The following RNF10 variants were observed in gnomAD, a reference collection of about 807,000 sequenced individuals.
RNF10 encodes the protein ring finger protein 10.
In RNF10, 38 loss-of-function variants were observed where a neutral mutation model predicts 91.4. That is an observed-to-expected ratio of 0.42 (90% CI 0.32 to 0.54). The LOEUF (loss-of-function observed/expected upper bound fraction) is 0.54. RNF10 is among the 20% of genes least tolerant of loss of function. RNF10 has a pLI of 0.16. For missense variants in RNF10, 945 were observed against 1,012.0 expected, an observed-to-expected ratio of 0.93 and a Z score of 0.90; for synonymous variants, 364 against 366.3, an observed-to-expected ratio of 0.99 and a Z score of 0.07.
chr12:120,544,947 A>C (rs994978345), intron 1 of RNF10, among the ~76,000 whole-genome samples: 1 of 152,212 alleles, frequency 6.6e-6, no homozygotes, highest in African/African-American at 2.4e-5. Flanking sequence ...GCAATTAATC[A>C]TGCTTCTGAA....
Position 120,565,229 on chromosome 12 carries a change from T to A in RNF10, c.1783+40T>A, listed in dbSNP as rs1039465010. 2.1e-6 allele frequency: 3 copies of A among 1,413,550 alleles called. No homozygotes were observed. The Admixed American group carries it at 5.1e-5, about 24-fold the overall frequency. 87.6% of individuals were successfully genotyped at this position (1,413,550 alleles called of 1,614,324 possible). ...GCTCTGCTTCTCTTTATAGTAGGGT[T>A]CAGGGATTCTTGTGGCTAGACACCC... is the stretch of plus-strand genomic sequence containing the variant. On this transcript the variant is annotated intron_variant, in intron 11 of 16. Transcript: ENST00000325954.
chr12:120,543,978 A>G (rs1026791580), intron 1 of RNF10, among the ~76,000 whole-genome samples: 1 of 152,152 alleles, frequency 6.6e-6, no homozygotes, highest in Non-Finnish European at 1.5e-5. Flanking sequence ...CTGTAATCCC[A>G]GTACTTTGGG....
intron 16 of RNF10, 97 bp from the exon 17 acceptor site, chr12:120,576,493 C>A: frequency 6.6e-7 from 1 of 1,506,246 alleles, no homozygotes; most frequent in Admixed American, 2.4e-5. Flanking sequence ...AGAGCCTCCA[C>A]TCTTAGCTCC....
chr12:120,574,542 T>A, intron 14 of RNF10: 1 of 456,074 alleles, frequency 2.2e-6, no homozygotes, highest in Non-Finnish European at 4.4e-6. Flanking sequence ...TAAAAGGTAG[T>A]GAGGGGCTGT....
chr12:120,562,924 T>C (rs759889142), intron 7 of RNF10, 21 bp from the exon 8 acceptor site: 1 of 1,613,700 alleles, frequency 6.2e-7, no homozygotes, highest in Non-Finnish European at 8.5e-7. Context: ...CCTTCTCTGG[T>C]GTTCTCTCTG....
At chr12:120,536,414 A>AC (rs1297721917) in intron 1 of RNF10, among the ~76,000 whole-genome samples, 1 of 151,962 alleles carries the variant, frequency 6.6e-6, no homozygotes, top group African/African-American at 2.4e-5. Context: ...GGTAACAGAG[A>AC]CCCCCATCTC....
chr12:120,563,750 G>A (rs1247172217), intron 9 of RNF10, 60 bp from the exon 10 acceptor site: 1 of 1,600,294 alleles, frequency 6.2e-7, no homozygotes, highest in African/African-American at 1.3e-5. Context: ...CATGGGGAGG[G>A]GTGGGGAGCC....
chr12:120,552,844 G>A (rs891946064), intron 3 of RNF10, 146 bp downstream of exon 3: 11 of 694,764 alleles, frequency 1.6e-5, no homozygotes, highest in South Asian at 4.0e-5. Context: ...CCACTGCCCC[G>A]CCCTTCCTTT....
rs1872369471 is a variant in RNF10 at position 120,546,541 on chromosome 12, A to G, written c.294A>G (p.Gln98=). Residue 98 remains glutamine, a synonymous_variant, in exon 2 of 17, where the codon CAA becomes CAG. Transcript: ENST00000325954. ...KSKTFNKMPP[Q]RGGGSSKLFS... is the part of the protein sequence containing the mutation. ...AGACTTTTAACAAGATGCCTCCTCA[A>G]AGGGGCGGCGGCAGCAGCAAACTCT... The G allele has an allele frequency of 6.2e-7, 1 of 1,614,194 alleles. No homozygotes were observed. Among genetic ancestry groups the G allele is most frequent in the Non-Finnish European group, 8.5e-7 (1 of 1,180,024 alleles).
At position 120,575,994 on chromosome 12, in the gene RNF10, C is replaced by T. The variant is rs757931101; in HGVS notation, c.2359+44C>T. The stretch of plus-strand genomic sequence containing the variant: ...GTGCCCAGGGTTGTCAAACATACTA[C>T]ACATGTACTGCCATTCCCGCCTGGA... On this transcript the variant is annotated intron_variant, in intron 16 of 16. Coordinates refer to ENST00000325954, the MANE Select transcript of RNF10 (RefSeq NM_014868.5). 15 of 1,596,884 alleles carry T rather than the reference C, an allele frequency of 9.4e-6. No individual in the cohort carries two copies. The Admixed American group carries it at 1.3e-4, about 14-fold the overall frequency.
intron 1 of RNF10, among the ~76,000 whole-genome samples, chr12:120,544,930 G>A (rs11065158): frequency 0.29 from 43,890 of 152,036 alleles, 7,018 homozygotes; most frequent in Admixed American, 0.4. Flanking sequence ...TGGCCAAGAA[G>A]GGTACAGCAA....
intron 2 of RNF10, among the ~76,000 whole-genome samples, 164 bp from the exon 3 acceptor site, chr12:120,552,335 G>T (rs1873228151): frequency 6.6e-6 from 1 of 151,026 alleles, no homozygotes; most frequent in Non-Finnish European, 1.5e-5. Context: ...GGGAGGCAGA[G>T]GTTGCAGTGA....
chr12:120,552,760 T>C lies in RNF10; in HGVS notation c.554+62T>C, dbSNP rs1263442368. On this transcript the variant is annotated intron_variant, in intron 3 of 16. Transcript: ENST00000325954. ...GGACTCTCCGGATAGCTGTGGTGCC[T>C]CTGTGAGAGGCTTTTTTTAAGCTAT... is the stretch of plus-strand genomic sequence containing the variant. 4.2e-6 allele frequency: 6 copies of C among 1,439,624 alleles called. No individual in the cohort carries two copies. In the South Asian group the frequency reaches 6.3e-5, roughly 15 times the overall value. 89.2% of individuals were successfully genotyped at this position (1,439,624 alleles called of 1,614,324 possible). A position where few individuals can be genotyped will look rare whatever the true frequency, so the allele number is the denominator to read the frequency against.
At chr12:120,536,552 T>C (rs746227302) in intron 1 of RNF10, among the ~76,000 whole-genome samples, 2 of 152,160 alleles carry the variant, frequency 1.3e-5, no homozygotes, top group South Asian at 2.1e-4. Flanking sequence ...TGTGAGACCA[T>C]TGGAGTATGG....
At chr12:120,568,747 A>G (rs1007474344) in intron 13 of RNF10, among the ~76,000 whole-genome samples, 32 of 152,116 alleles carry the variant, frequency 2.1e-4, no homozygotes, top group African/African-American at 7.0e-4. Context: ...AAGTGCTGGG[A>G]TTGCAGGTGG....
chr12:120,571,418 G>C (rs1876613728), intron 14 of RNF10, 127 bp downstream of exon 14: 1 of 713,326 alleles, frequency 1.4e-6, no homozygotes, highest in African/African-American at 1.8e-5. Flanking sequence ...TGAGTCATCT[G>C]ATGGGTAGGA....
At chr12:120,550,509 T>C (rs181353831) in intron 2 of RNF10, among the ~76,000 whole-genome samples, 5 of 152,100 alleles carry the variant, frequency 3.3e-5, no homozygotes, top group Non-Finnish European at 2.9e-5. Flanking sequence ...CATGTGGAGA[T>C]GAAAAATAAG....
intron 13 of RNF10, among the ~76,000 whole-genome samples, chr12:120,569,297 G>C (rs138359658): frequency 6.6e-6 from 1 of 151,740 alleles, no homozygotes; most frequent in East Asian, 1.9e-4. Flanking sequence ...GGCCTCTGTC[G>C]GGCATTCTTA....
In RNF10 at chr12:120,557,438, A is replaced by G. The variant is rs1293093054; in HGVS notation, c.802A>G (p.Ser268Gly). ...GTGGAGTAAATGTCCCATCTGTTAC[A>G]GTTCTGTGCATAAGAAGGATCTCAA... is the stretch of plus-strand genomic sequence containing the variant. Reference protein sequence around the residue: ...KTWSKCPICYSSVHKKDLKSV... With the variant: ...KTWSKCPICYGSVHKKDLKSV... The change falls in exon 5 of 17, where the codon AGT becomes GGT. Residue 268 changes from serine to glycine, a missense_variant. Ser to Gly is a moderately conservative substitution (Grantham distance 56). Transcript: ENST00000325954. 5 of 1,614,054 alleles carry G rather than the reference A, an allele frequency of 3.1e-6. No homozygotes were observed. Among genetic ancestry groups the G allele is most frequent in the Non-Finnish European group, 4.2e-6 (5 of 1,180,042 alleles).
Sources: allele counts gnomAD v4.1 joint callset (sites outside exome capture counted in the v4.1 genomes callset), GRCh38; gene constraint gnomAD v4.1.1; transcripts MANE v1.5; gene names NCBI Gene and HGNC (gene_info 2026-07-23, HGNC 2026-07-21).